Variants in CREBRF observed in about 807,000 individuals in gnomAD.
CREBRF encodes UPF0474 protein C5orf41.
Under a neutral mutation model 66.1 loss-of-function variants are expected in CREBRF, and 5 were observed. The observed-to-expected ratio is 0.08, with a 90% CI of 0.04 to 0.16. The LOEUF (loss-of-function observed/expected upper bound fraction) is 0.16. Ranked by LOEUF, CREBRF falls within the 10% of genes least tolerant of loss-of-function variation. The pLI is 1.00. For missense variants in CREBRF, 531 were observed against 744.9 expected (o/e 0.71, Z 3.34); for synonymous variants, 229 against 264.4 (o/e 0.87, Z 1.30).
At chr5:173,080,293 C>G (rs1757902616) in intron 1 of CREBRF, among the ~76,000 whole-genome samples, 1 of 149,138 alleles carries the variant, frequency 6.7e-6, no homozygotes, top group African/African-American at 2.5e-5. Context: ...TATATTACAT[C>G]TTTCAGATCA....
At chr5:173,082,017 T>TTTTTTTTTTGTTTGTTTG (rs1390984800) in intron 2 of CREBRF, among the ~76,000 whole-genome samples, 4 of 130,326 alleles carry the variant, frequency 3.1e-5, no homozygotes, top group South Asian at 2.8e-4. Context: ...TTTTTTTTTT[T>TTTTTTTTTTGTTTGTTTG]TTTTTTTTTT....
At chr5:173,098,196 T>C (rs934705235) in intron 4 of CREBRF, among the ~76,000 whole-genome samples, 2 of 151,364 alleles carry the variant, frequency 1.3e-5, no homozygotes, top group Admixed American at 1.3e-4. Flanking sequence ...CTTCTTTTTT[T>C]TTTTTTTTTG....
In CREBRF at chr5:173,122,072, TTTG is replaced by T. The variant is rs372029947; in HGVS notation, c.1682-990_1682-988del. ...GTGCATACCCAGTAATCTTGAGGGTTTTGTTGTTGTTGTTGTTGTTTGCTGCTG... is the reference window on the plus strand; with the variant it reads ...GTGCATACCCAGTAATCTTGAGGGTTTTGTTGTTGTTGTTGTTTGCTGCTG... On this transcript the variant is annotated intron_variant, in intron 7 of 8. Coordinates refer to ENST00000296953, the MANE Select transcript of CREBRF (RefSeq NM_153607.3). Among the ~76,000 whole-genome samples, 132 of 151,702 alleles carry T rather than the reference TTTG, an allele frequency of 8.7e-4. 5 individuals carry two copies. In the East Asian group the frequency reaches 0.023, roughly 26 times the overall value.
rs573429644 is a variant in CREBRF at position 173,088,713 on chromosome 5, A to G, written c.136-1602A>G. On this transcript the variant is annotated intron_variant, in intron 3 of 8. Transcript: ENST00000296953. Reference sequence around the variant, plus strand: ...AAATAGACACTTAAAATTCAGAAGAAAAACATTTTAAAAACAGTTTTAATT... The same window carrying G: ...AAATAGACACTTAAAATTCAGAAGAGAAACATTTTAAAAACAGTTTTAATT... 3.9e-5 allele frequency among the ~76,000 whole-genome samples: 6 copies of G among 152,242 alleles called. No individual in the cohort carries two copies. The East Asian group carries it at 1.2e-3, about 29-fold the overall frequency.
intron 4 of CREBRF, among the ~76,000 whole-genome samples, chr5:173,108,124 G>A (rs1037024932): frequency 2.0e-4 from 30 of 151,174 alleles, no homozygotes; most frequent in African/African-American, 4.1e-4. Flanking sequence ...GAGCCACCAC[G>A]CCTGGCCTAC....
At chr5:173,062,045 C>G (rs1264787649) in intron 1 of CREBRF, among the ~76,000 whole-genome samples, 5 of 152,186 alleles carry the variant, frequency 3.3e-5, no homozygotes, top group African/African-American at 1.2e-4. Context: ...GCCTGGATGA[C>G]TACAGATAAT....
intron 1 of CREBRF, among the ~76,000 whole-genome samples, chr5:173,078,740 G>A (rs1757845182): frequency 6.6e-6 from 1 of 151,738 alleles, no homozygotes; most frequent in Non-Finnish European, 1.5e-5. Context: ...GGCCAGGCTG[G>A]TCTTGAACTC....
chr5:173,067,211 A>G (rs1170994945), intron 1 of CREBRF, among the ~76,000 whole-genome samples: 2 of 152,170 alleles, frequency 1.3e-5, no homozygotes, highest in East Asian at 3.9e-4. Flanking sequence ...TCCAGATTTT[A>G]GGCTATTATA....
intron 1 of CREBRF, among the ~76,000 whole-genome samples, chr5:173,072,944 G>A (rs1757641239): frequency 6.6e-6 from 1 of 152,154 alleles, no homozygotes; most frequent in Non-Finnish European, 1.5e-5. Flanking sequence ...GAGTAGGGGA[G>A]GAGAATTTAA....
At chr5:173,108,495 T>C in intron 4 of CREBRF, 129 bp from the exon 5 acceptor site, 1 of 744,790 alleles carries the variant, frequency 1.3e-6, no homozygotes, top group Non-Finnish European at 2.2e-6. Flanking sequence ...TTTATTATCT[T>C]TGACATGCCA....
At chr5:173,133,414 C>G (rs1240418445) in intron 8 of CREBRF, among the ~76,000 whole-genome samples, 2 of 152,174 alleles carry the variant, frequency 1.3e-5, no homozygotes, top group East Asian at 1.9e-4. Flanking sequence ...TTTTTCATGG[C>G]TATCCTTGGT....
At chr5:173,114,303 G>C (rs1426684894) in intron 7 of CREBRF, among the ~76,000 whole-genome samples, 1 of 152,074 alleles carries the variant, frequency 6.6e-6, no homozygotes, top group Admixed American at 6.6e-5. Flanking sequence ...AGCTCTGTTA[G>C]TGGTGCCCTG....
chr5:173,102,915 C>T (rs181489306), intron 4 of CREBRF, among the ~76,000 whole-genome samples: 2 of 152,284 alleles, frequency 1.3e-5, no homozygotes, highest in East Asian at 3.9e-4. Flanking sequence ...ACCTTTAACT[C>T]CACTCTAAAT....
intron 1 of CREBRF, among the ~76,000 whole-genome samples, chr5:173,077,390 C>G (rs1196740137): frequency 1.3e-5 from 2 of 152,064 alleles, no homozygotes; most frequent in African/African-American, 4.8e-5. Context: ...TCACCACTGT[C>G]TATTCCTGAA....
At chr5:173,117,224 C>T (rs1309810539) in intron 7 of CREBRF, among the ~76,000 whole-genome samples, 1 of 151,584 alleles carries the variant, frequency 6.6e-6, no homozygotes, top group African/African-American at 2.4e-5. Context: ...ACTAAAAATA[C>T]AAAAAATTAG....
At position 173,105,225 on chromosome 5, in the gene CREBRF, ATGTGTGTG is replaced by A. The variant is rs34768667; in HGVS notation, c.1223-3375_1223-3368del. 1.7e-3 allele frequency among the ~76,000 whole-genome samples: 253 copies of A among 146,644 alleles called. 2 individuals carry two copies. The highest frequency in any genetic ancestry group is 0.015 in the South Asian group (71 of 4,632). The stretch of plus-strand genomic sequence containing the variant: ...CCAGGAGGATGGTATGTGTGTATAT[ATGTGTGTG>A]TGTGTGTGTGTGTGTGTGTGTGTAC... On this transcript the variant is annotated intron_variant, in intron 4 of 8. Transcript: ENST00000296953.
intron 7 of CREBRF, among the ~76,000 whole-genome samples, chr5:173,115,191 C>T (rs888679767): frequency 5.3e-4 from 80 of 151,440 alleles, no homozygotes; most frequent in African/African-American, 1.9e-3. Context: ...ACCGCAACCT[C>T]TGCCTCCTGG....
At chr5:173,065,258 G>A (rs567173598) in intron 1 of CREBRF, among the ~76,000 whole-genome samples, 44 of 152,308 alleles carry the variant, frequency 2.9e-4, no homozygotes, top group Non-Finnish European at 5.3e-4. Flanking sequence ...TAGTACAGCT[G>A]AAGTATAAAA....
intron 8 of CREBRF, among the ~76,000 whole-genome samples, chr5:173,126,322 C>A (rs924527875): frequency 2.6e-5 from 4 of 152,026 alleles, no homozygotes; most frequent in African/African-American, 9.7e-5. Context: ...TGTGTTTTTA[C>A]TGGGGATGGG....
Sources: allele counts gnomAD v4.1 joint callset (sites outside exome capture counted in the v4.1 genomes callset), GRCh38; gene constraint gnomAD v4.1.1; transcripts MANE v1.5; gene names NCBI Gene and HGNC (gene_info 2026-07-23, HGNC 2026-07-21).